CNTNAP2: variants seen among roughly 807,000 people sequenced by gnomAD.
CNTNAP2 encodes contactin-associated protein-like 2.
In CNTNAP2, 98 loss-of-function variants were observed where a neutral mutation model predicts 155.2. The ratio of observed to expected loss-of-function variants is 0.63; its 90% CI spans 0.54 to 0.75. The LOEUF is 0.75. Among genes scored for constraint, CNTNAP2 ranks in the 30% least tolerant of loss-of-function variants. The pLI is 0.00. For synonymous variants in CNTNAP2, 651 were observed against 631.2 expected (o/e 1.03, Z -0.47); for missense variants, 1,727 against 1,688.1 (o/e 1.02, Z -0.40).
At chr7:147,577,347 A>G (rs1391305535) in intron 12 of CNTNAP2, among the ~76,000 whole-genome samples, 1 of 152,106 alleles carries the variant, frequency 6.6e-6, no homozygotes, top group Non-Finnish European at 1.5e-5. Flanking sequence ...AGTAGATAGA[A>G]GAAGAGGATT....
At chr7:147,330,775 C>A (rs1488962481) in intron 9 of CNTNAP2, among the ~76,000 whole-genome samples, 2 of 152,134 alleles carry the variant, frequency 1.3e-5, no homozygotes, top group African/African-American at 2.4e-5. Context: ...AGGTAAAAAC[C>A]TGAACATTTG....
chr7:146,545,793 C>T (rs1798021076), intron 1 of CNTNAP2, among the ~76,000 whole-genome samples: 1 of 151,710 alleles, frequency 6.6e-6, no homozygotes, highest in African/African-American at 2.4e-5. Context: ...GACCTAGAAC[C>T]AGAAATACCA....
intron 13 of CNTNAP2, among the ~76,000 whole-genome samples, chr7:147,779,663 C>T (rs890241464): frequency 6.6e-6 from 1 of 152,102 alleles, no homozygotes; most frequent in African/African-American, 2.4e-5. Context: ...GACTTCAAGA[C>T]CTGTATTTAA....
At chr7:147,688,605 T>C (rs1038088258) in intron 13 of CNTNAP2, among the ~76,000 whole-genome samples, 4 of 152,062 alleles carry the variant, frequency 2.6e-5, no homozygotes, top group African/African-American at 9.7e-5. Context: ...CTCCTACAGA[T>C]GGAAATGGAA....
chr7:147,152,552 T>C (rs981744422), intron 8 of CNTNAP2, among the ~76,000 whole-genome samples: 1 of 152,100 alleles, frequency 6.6e-6, no homozygotes, highest in Non-Finnish European at 1.5e-5. Context: ...ATTATGTTAT[T>C]GGTACTGATC....
intron 3 of CNTNAP2, among the ~76,000 whole-genome samples, chr7:146,849,183 G>C (rs1046849473): frequency 1.3e-5 from 2 of 152,136 alleles, no homozygotes; most frequent in Admixed American, 6.5e-5. Flanking sequence ...AAGAACCTTG[G>C]AGTTTATGCA....
chr7:147,345,540 A>C (rs1309756169), intron 9 of CNTNAP2, among the ~76,000 whole-genome samples: 1 of 152,178 alleles, frequency 6.6e-6, no homozygotes, highest in Non-Finnish European at 1.5e-5. Context: ...TATGTATTCA[A>C]TTATGTGGCG....
chr7:147,546,921 C>T (rs186131242), intron 11 of CNTNAP2, among the ~76,000 whole-genome samples: 1 of 152,108 alleles, frequency 6.6e-6, no homozygotes, highest in Non-Finnish European at 1.5e-5. Context: ...TGAGACTAAC[C>T]CTGCTCTGCA....
chr7:146,868,933 T>A (rs1353023796), intron 3 of CNTNAP2, among the ~76,000 whole-genome samples: 1 of 152,216 alleles, frequency 6.6e-6, no homozygotes, highest in African/African-American at 2.4e-5. Flanking sequence ...TATGTGCTTT[T>A]CTAGATATAG....
chr7:146,424,390 T>G (rs1269982556), intron 1 of CNTNAP2, among the ~76,000 whole-genome samples: 1 of 152,164 alleles, frequency 6.6e-6, no homozygotes, highest in Non-Finnish European at 1.5e-5. Context: ...CCAAGAAGCT[T>G]CTTCTACTGG....
At chr7:147,852,255 C>T (rs192722255) in intron 13 of CNTNAP2, among the ~76,000 whole-genome samples, 2 of 152,286 alleles carry the variant, frequency 1.3e-5, no homozygotes, top group Non-Finnish European at 2.9e-5. Flanking sequence ...GCCCCACAAC[C>T]TTAATTGTTA....
intron 4 of CNTNAP2, among the ~76,000 whole-genome samples, chr7:147,084,711 AATAT>A (rs1438677681): frequency 6.8e-6 from 1 of 147,848 alleles, no homozygotes; most frequent in Non-Finnish European, 1.5e-5. Flanking sequence ...ATGCATATAT[AATAT>A]ATAATGCTGT....
At chr7:147,222,539 C>T (rs946062142) in intron 8 of CNTNAP2, among the ~76,000 whole-genome samples, 2 of 152,106 alleles carry the variant, frequency 1.3e-5, no homozygotes, top group Admixed American at 6.5e-5. Flanking sequence ...TTTTAAATTC[C>T]GTGTCTGATA....
At position 146,657,794 on chromosome 7, in the gene CNTNAP2, C is replaced by A. The variant is rs147723153; in HGVS notation, c.98-116477C>A. On this transcript the variant is annotated intron_variant, in intron 1 of 23. Transcript: ENST00000361727. ...GTCAAAAAGAGTCTAATTTTAAAAG[C>A]AAAGATTTGTCAAAGAAACCTTTTA... Among the ~76,000 whole-genome samples the A allele has an allele frequency of 5.4e-3, 815 of 151,968 alleles. 3 individuals are homozygous for A. Among genetic ancestry groups the A allele is most frequent in the Non-Finnish European group, 8.6e-3 (583 of 67,952 alleles).
chr7:147,883,455 T>C (rs540415021), intron 13 of CNTNAP2, among the ~76,000 whole-genome samples: 2 of 152,346 alleles, frequency 1.3e-5, no homozygotes, highest in African/African-American at 4.8e-5. Flanking sequence ...CAAATAAGAT[T>C]ATCACTTATG....
At chr7:147,762,560 A>G (rs1349585354) in intron 13 of CNTNAP2, among the ~76,000 whole-genome samples, 3 of 151,962 alleles carry the variant, frequency 2.0e-5, no homozygotes, top group South Asian at 2.1e-4. Flanking sequence ...TTTTTTTTCA[A>G]TCTCTTCAGT....
intron 20 of CNTNAP2, among the ~76,000 whole-genome samples, chr7:148,230,560 G>T (rs1795943531): frequency 6.6e-6 from 1 of 152,154 alleles, no homozygotes; most frequent in Admixed American, 6.5e-5. Context: ...GTGTCATTTG[G>T]CAGGGGTTCA....
intron 15 of CNTNAP2, among the ~76,000 whole-genome samples, chr7:148,049,737 T>A (rs2710136): frequency 0.013 from 1,992 of 152,348 alleles, 43 homozygotes; most frequent in African/African-American, 0.046. Flanking sequence ...TATAGAAGTG[T>A]AGCTTATACA....
At chr7:147,318,649 CA>C (rs1384088005) in intron 9 of CNTNAP2, among the ~76,000 whole-genome samples, 5 of 151,762 alleles carry the variant, frequency 3.3e-5, no homozygotes, top group Non-Finnish European at 7.4e-5. Flanking sequence ...GAACATCACA[CA>C]CTGGGGCCTA....
Sources: gnomAD v4.1 joint callset for allele counts (sites outside exome capture counted in the v4.1 genomes callset) on GRCh38, gnomAD v4.1.1 for gene constraint, MANE v1.5 for transcripts, NCBI Gene and HGNC (gene_info 2026-07-23, HGNC 2026-07-21) for gene names.